The following ZNF423 variants were observed in gnomAD, a reference collection of about 807,000 sequenced individuals.
ZNF423 encodes the protein zinc finger protein 423, also known as Ebf-associated zinc finger protein.
ZNF423 carries 12 observed loss-of-function variants against 95.8 expected under a neutral mutation model. The ratio of observed to expected loss-of-function variants is 0.13; its 90% confidence interval spans 0.08 to 0.20. The LOEUF (loss-of-function observed/expected upper bound fraction) is 0.20. ZNF423 is among the 10% of genes least tolerant of loss of function. ZNF423 has a pLI of 1.00. For synonymous variants in ZNF423, 749 were observed against 711.9 expected, an observed-to-expected ratio of 1.05 and a Z score of -0.83; for missense variants, 1,316 against 1,737.1, an observed-to-expected ratio of 0.76 and a Z score of 4.31.
chr16:49,724,475 T>C (rs1011671950), intron 3 of ZNF423, among the ~76,000 whole-genome samples: 7 of 152,180 alleles, frequency 4.6e-5, no homozygotes, highest in Admixed American at 1.3e-4. Context: ...TAGCACAGTG[T>C]CTGGCACTGG....
intron 2 of ZNF423, among the ~76,000 whole-genome samples, chr16:49,763,644 C>T (rs1395809014): frequency 6.6e-6 from 1 of 152,264 alleles, no homozygotes; most frequent in East Asian, 1.9e-4. Context: ...ACACGTGCAC[C>T]CCACTTCTCC....
At chr16:49,843,672 GGA>G (rs1483409874) in intron 1 of ZNF423, among the ~76,000 whole-genome samples, 1 of 152,110 alleles carries the variant, frequency 6.6e-6, no homozygotes, top group East Asian at 1.9e-4. Flanking sequence ...CCCTCCCCAA[GGA>G]GAGAAATGAA....
intron 4 of ZNF423, among the ~76,000 whole-genome samples, chr16:49,629,851 C>T (rs926344091): frequency 6.6e-6 from 1 of 152,206 alleles, no homozygotes; most frequent in Admixed American, 6.5e-5. Context: ...ACCACCCTAG[C>T]GCAGGCCTTA....
chr16:49,829,289 G>A (rs1006899327), intron 1 of ZNF423, among the ~76,000 whole-genome samples: 1 of 152,162 alleles, frequency 6.6e-6, no homozygotes, highest in Non-Finnish European at 1.5e-5. Flanking sequence ...CCAGGAGTGG[G>A]CTGGGCTAGA....
chr16:49,711,101 AGGG>A (rs1331518302), intron 3 of ZNF423, among the ~76,000 whole-genome samples: 2 of 152,104 alleles, frequency 1.3e-5, no homozygotes, highest in African/African-American at 4.8e-5. Flanking sequence ...ATGGAATGAG[AGGG>A]GTGGAATGGG....
intron 5 of ZNF423, among the ~76,000 whole-genome samples, chr16:49,531,056 C>T (rs1968825195): frequency 1.3e-5 from 2 of 152,206 alleles, no homozygotes; most frequent in Non-Finnish European, 2.9e-5. Flanking sequence ...CGCCGGTTGG[C>T]AGCAGGGCTG....
chr16:49,528,239 T>C (rs866557312), intron 5 of ZNF423, among the ~76,000 whole-genome samples: 3 of 151,628 alleles, frequency 2.0e-5, no homozygotes, highest in Admixed American at 6.6e-5. Context: ...AGAGAAATCA[T>C]GTCTGACAGT....
chr16:49,489,748 T>C lies in ZNF423; in HGVS notation c.*1527A>G, dbSNP rs1282203805. 1 of 152,272 alleles carries C rather than the reference T, an allele frequency of 6.6e-6. No homozygotes were observed. Among genetic ancestry groups the C allele is most frequent in the African/African-American group, 2.4e-5 (1 of 41,454 alleles). 9.4% of individuals were successfully genotyped at this position (152,272 alleles called of 1,614,324 possible). The stretch of plus-strand genomic sequence containing the variant: ...TGCAGAGGGTAATAACCAATTTCCT[T>C]GCCCCTTGTGAAAAGTTAGCAAGGA... On this transcript the variant is annotated 3_prime_UTR_variant, in exon 8 of 8. Transcript: ENST00000563137.
At chr16:49,852,557 G>A (rs573841286) in intron 1 of ZNF423, among the ~76,000 whole-genome samples, 2 of 152,094 alleles carry the variant, frequency 1.3e-5, no homozygotes, top group South Asian at 4.2e-4. Flanking sequence ...AACAGCCCGG[G>A]AAAATGAGGC....
intron 5 of ZNF423, among the ~76,000 whole-genome samples, chr16:49,580,501 G>A (rs1970637457): frequency 6.6e-6 from 1 of 152,184 alleles, no homozygotes; most frequent in Admixed American, 6.5e-5. Flanking sequence ...TCTCTCAAAT[G>A]TTTGTTGAAT....
chr16:49,717,636 G>A (rs1225942088), intron 3 of ZNF423, among the ~76,000 whole-genome samples: 1 of 152,224 alleles, frequency 6.6e-6, no homozygotes, highest in Non-Finnish European at 1.5e-5. Flanking sequence ...CCTGAAGATA[G>A]TCCTACACCT....
chr16:49,837,959 A>T (rs1382815724), intron 1 of ZNF423, among the ~76,000 whole-genome samples: 3 of 152,072 alleles, frequency 2.0e-5, no homozygotes, highest in Admixed American at 6.5e-5. Context: ...GGAGCTGCTC[A>T]CTCTTTATTG....
intron 5 of ZNF423, among the ~76,000 whole-genome samples, chr16:49,542,716 C>T (rs1446373672): frequency 6.6e-6 from 1 of 152,188 alleles, no homozygotes; most frequent in Non-Finnish European, 1.5e-5. Flanking sequence ...GGGCCCCAGC[C>T]CACCCTGGGG....
chr16:49,707,546 G>A (rs375239673), intron 3 of ZNF423, among the ~76,000 whole-genome samples: 1 of 151,680 alleles, frequency 6.6e-6, no homozygotes, highest in African/African-American at 2.4e-5. Context: ...GAACCCAGGA[G>A]GGGGAGGTTG....
chr16:49,544,386 A>G (rs1969368116), intron 5 of ZNF423, among the ~76,000 whole-genome samples: 1 of 152,216 alleles, frequency 6.6e-6, no homozygotes. Context: ...ACTTCAACAA[A>G]GTTTTAAAAA....
At chr16:49,748,179 C>T (rs183628743) in intron 2 of ZNF423, among the ~76,000 whole-genome samples, 1 of 152,214 alleles carries the variant, frequency 6.6e-6, no homozygotes, top group Admixed American at 6.5e-5. Context: ...GTGCCTGGCA[C>T]GTAGTAGGTG....
At chr16:49,618,383 C>A (rs567529325) in intron 5 of ZNF423, among the ~76,000 whole-genome samples, 18 of 152,274 alleles carry the variant, frequency 1.2e-4, no homozygotes, top group African/African-American at 2.9e-4. Flanking sequence ...GAATTGTAAT[C>A]CCCATGTGTG....
intron 5 of ZNF423, among the ~76,000 whole-genome samples, chr16:49,581,149 C>T (rs1567481901): frequency 6.9e-6 from 1 of 144,644 alleles, no homozygotes; most frequent in Non-Finnish European, 1.5e-5. Flanking sequence ...TATGTTCCTC[C>T]AGCCCCACTG....
At position 49,805,921 on chromosome 16, in the gene ZNF423, A is replaced by T. The variant is rs899151383; in HGVS notation, c.41-16375T>A. On this transcript the variant is annotated intron_variant, in intron 1 of 7. Transcript: ENST00000563137. ...CCCAGCCAGTCCATCCAGGGTTGCA[A>T]TGTGTGCGGAAAATTCCCTTTCTGG... Among the ~76,000 whole-genome samples the T allele has an allele frequency of 3.3e-5, 5 of 152,216 alleles. No individual in the cohort carries two copies. In the South Asian group the frequency reaches 6.2e-4, roughly 19 times the overall value.
Sources: allele counts gnomAD v4.1 joint callset (sites outside exome capture counted in the v4.1 genomes callset), GRCh38; gene constraint gnomAD v4.1.1; transcripts MANE v1.5; gene names NCBI Gene and HGNC (gene_info 2026-07-23, HGNC 2026-07-21).